The following FBXW12 variants were observed in gnomAD, a reference collection of about 807,000 sequenced individuals.
FBXW12 encodes the protein F-box and WD repeat domain containing 12.
A neutral mutation model predicts 55.3 loss-of-function variants in FBXW12; 43 were observed. The observed-to-expected ratio is 0.78, with a 90% CI of 0.61 to 1.00. The LOEUF (loss-of-function observed/expected upper bound fraction) is 1.00. Ranked by LOEUF, FBXW12 falls within the 50% of genes least tolerant of loss-of-function variation. The probability of loss-of-function intolerance (pLI) is 0.00; values close to 1 mark genes in which losing one functional copy is unlikely to be tolerated. For missense variants in FBXW12, 524 were observed against 560.5 expected, an observed-to-expected ratio of 0.93 and a Z score of 0.66; for synonymous variants, 184 against 203.8, an observed-to-expected ratio of 0.90 and a Z score of 0.83.
chr3:48,372,417 T>C, intron 1 of FBXW12, 97 bp downstream of exon 1: 2 of 1,411,732 alleles, frequency 1.4e-6, no homozygotes, highest in Non-Finnish European at 2.0e-6. Flanking sequence ...GTGAGTGCAC[T>C]CGGTGACATT....
At chr3:48,387,273 T>G (rs2036859558) in intron 10 of FBXW12, among the ~76,000 whole-genome samples, 1 of 152,112 alleles carries the variant, frequency 6.6e-6, no homozygotes, top group African/African-American at 2.4e-5. Context: ...TTTTTAATCT[T>G]CTTAATGCCT....
chr3:48,393,873 G>T (rs1191040906), intron 10 of FBXW12, among the ~76,000 whole-genome samples: 1 of 151,280 alleles, frequency 6.6e-6, no homozygotes, highest in Admixed American at 6.6e-5. Flanking sequence ...CCGCCTCCCG[G>T]GTTCAAGCAA....
intron 10 of FBXW12, among the ~76,000 whole-genome samples, chr3:48,393,778 C>A (rs1162746307): frequency 9.7e-6 from 1 of 103,022 alleles, no homozygotes; most frequent in Non-Finnish European, 1.9e-5. Context: ...TATTTTTTTT[C>A]TTTCTTTTTT....
rs1314729929 is a variant in FBXW12, at chr3:48,373,715, T to C, written c.286+10T>C. On this transcript the variant is annotated intron_variant, in intron 4 of 10. Coordinates refer to ENST00000296438, the MANE Select transcript of FBXW12 (RefSeq NM_207102.2). ...GTAACTAAGAACATCGGTATGGGTA[T>C]AGGTGCCCTAGAGGAACATGAGCAG... The C allele has an allele frequency of 1.2e-6, 2 of 1,608,132 alleles. No individual in the cohort carries two copies. Among genetic ancestry groups the C allele is most frequent in the South Asian group, 2.2e-5 (2 of 90,846 alleles).
At chr3:48,378,042 C>T (rs1223956108) in intron 5 of FBXW12, among the ~76,000 whole-genome samples, 1 of 152,150 alleles carries the variant, frequency 6.6e-6, no homozygotes, top group Non-Finnish European at 1.5e-5. Flanking sequence ...CTGAAGGCTG[C>T]ACTGTGAGTA....
chr3:48,379,368 C>A, intron 6 of FBXW12, 32 bp from the exon 7 acceptor site: 1 of 1,606,534 alleles, frequency 6.2e-7, no homozygotes, highest in South Asian at 1.1e-5. Context: ...ACATATCTTC[C>A]TATTGATATG....
At chr3:48,374,129 G>A (rs2036645172) in intron 4 of FBXW12, among the ~76,000 whole-genome samples, 1 of 152,036 alleles carries the variant, frequency 6.6e-6, no homozygotes, top group African/African-American at 2.4e-5. Context: ...GACCAGCCTG[G>A]CCAACAAAGT....
intron 5 of FBXW12, among the ~76,000 whole-genome samples, 188 bp from the exon 6 acceptor site, chr3:48,378,129 C>T (rs1482007439): frequency 6.6e-6 from 1 of 152,138 alleles, no homozygotes; most frequent in African/African-American, 2.4e-5. Flanking sequence ...TGTCTCGGAG[C>T]ATAATGTGTA....
Position 48,390,406 on chromosome 3 carries a change from C to CTTTTTTTTT in FBXW12, c.1296-4136_1296-4128dup, listed in dbSNP as rs71625870. Among the ~76,000 whole-genome samples the CTTTTTTTTT allele has an allele frequency of 3.5e-5, 2 of 57,928 alleles. 1 individual carries two copies. Among genetic ancestry groups the CTTTTTTTTT allele is most frequent in the African/African-American group, 1.5e-4 (2 of 13,166 alleles). The allele number at this position is 57,928 out of a possible 152,430, so 38.0% of individuals were successfully genotyped here. A position where few individuals can be genotyped will look rare whatever the true frequency, so the allele number is the denominator to read the frequency against. On this transcript the variant is annotated intron_variant, in intron 10 of 10. Transcript: ENST00000296438. ...TTTTTAATGTCACCTAGGATTTCCT[C>CTTTTTTTTT]TTTTTTTTTTTTTTTTTTTTTTTTT...
At chr3:48,378,577 C>A in intron 6 of FBXW12, 51 bp downstream of exon 6, 40 of 1,271,916 alleles carry the variant, frequency 3.1e-5, no homozygotes, top group Non-Finnish European at 4.1e-5. Flanking sequence ...TGCCTGTTGT[C>A]TTGTCAGGCA....
Position 48,375,439 on chromosome 3 carries a change from A to G in FBXW12, c.372A>G (p.Pro124=), listed in dbSNP as rs746807214. 1 of 1,611,318 alleles carries G rather than the reference A, an allele frequency of 6.2e-7. No individual in the cohort carries two copies. Among genetic ancestry groups the G allele is most frequent in the South Asian group, 1.1e-5 (1 of 90,314 alleles). Residue 124 remains proline (P), a synonymous_variant, in exon 5 of 11, where the codon CCA becomes CCG. Transcript: ENST00000296438. ...QEKSIICSVS[P]KQELCAWDVQ... is the part of the protein sequence containing the mutation. ...AATCAATCATTTGTAGTGTATCTCC[A>G]AAGCAAGAGCTTTGTGCCTGGGATG... is the stretch of plus-strand genomic sequence containing the variant.
rs1258209804 is a variant in FBXW12 at position 48,375,407 on chromosome 3, C to G, written c.340C>G (p.Gln114Glu). The G allele has an allele frequency of 6.2e-7, 1 of 1,612,520 alleles. No homozygotes were observed. Among genetic ancestry groups the G allele is most frequent in the Non-Finnish European group, 8.5e-7 (1 of 1,179,572 alleles). ...LSGNRLTVDE[Q>E]EKSIICSVSP... ...AGGAAATAGACTTACAGTGGATGAA[C>G]AGGAGAAATCAATCATTTGTAGTGT... The change falls in exon 5 of 11, where the codon CAG becomes GAG. Residue 114 changes from glutamine to glutamate, a missense_variant. Physicochemically the swap from Gln to Glu is conservative, Grantham distance 29 (BLOSUM62 2). Coordinates refer to ENST00000296438, the MANE Select transcript of FBXW12 (RefSeq NM_207102.2).
intron 7 of FBXW12, 98 bp downstream of exon 7, chr3:48,379,656 C>T (rs1167016865): frequency 1.1e-6 from 1 of 934,590 alleles, no homozygotes; most frequent in Non-Finnish European, 1.7e-6. Flanking sequence ...AGGCACACTG[C>T]TCCTTCCTCT....
In FBXW12 at chr3:48,373,568, G is replaced by A. The variant is rs867973575; in HGVS notation, c.149G>A (p.Trp50Ter). The A allele has an allele frequency of 1.9e-6, 3 of 1,614,064 alleles. No individual in the cohort carries two copies. Among genetic ancestry groups the A allele is most frequent in the Middle Eastern group, 3.3e-4 (2 of 6,062 alleles). ...TCCAGGTCACTATCTCTGCAGAGATGGGACTGCAGCAACTTCACCAATCAA... is the reference window on the plus strand; with the variant it reads ...TCCAGGTCACTATCTCTGCAGAGATAGGACTGCAGCAACTTCACCAATCAA... ...YLWRSLSLQR[W>*]DCSNFTNQHL... Residue 50 changes from tryptophan (W) to a stop codon, truncating the protein, a stop_gained, in exon 4 of 11, where the codon TGG (tryptophan) becomes TAG (stop). Transcript: ENST00000296438. LOFTEE classifies it high-confidence loss of function.
intron 6 of FBXW12, 79 bp from the exon 7 acceptor site, chr3:48,379,321 A>T: frequency 7.6e-7 from 1 of 1,309,418 alleles, no homozygotes; most frequent in Non-Finnish European, 1.1e-6. Flanking sequence ...CATATCTTGC[A>T]GCTCATAGTG....
chr3:48,392,152 G>A (rs2106658640), intron 10 of FBXW12, among the ~76,000 whole-genome samples: 1 of 152,182 alleles, frequency 6.6e-6, no homozygotes, highest in African/African-American at 2.4e-5. Flanking sequence ...TTGTCTCTGG[G>A]GATACAAACA....
At chr3:48,391,345 CACACACACACAT>C (rs2036925647) in intron 10 of FBXW12, among the ~76,000 whole-genome samples, 2 of 144,386 alleles carry the variant, frequency 1.4e-5, no homozygotes, top group Admixed American at 1.4e-4. Flanking sequence ...CACACACACA[CACACACACACAT>C]ATATATATAA....
chr3:48,391,317 TACACACACACACACACACAC>T (rs140067012), intron 10 of FBXW12, among the ~76,000 whole-genome samples: 2 of 133,076 alleles, frequency 1.5e-5, no homozygotes, highest in East Asian at 2.2e-4. Context: ...TATCTATCTA[TACACACACACACACACACAC>T]ACACACACAC....
In FBXW12 at chr3:48,373,690, G is replaced by A; in HGVS notation, c.271G>A (p.Val91Ile). The A allele has an allele frequency of 6.2e-7, 1 of 1,613,998 alleles. No homozygotes were observed. Reference sequence around the variant, plus strand: ...ACAGCCGCATAACTTTATCTACAAAGTAACTAAGAACATCGGTATGGGTAT... The same window carrying A: ...ACAGCCGCATAACTTTATCTACAAAATAACTAAGAACATCGGTATGGGTAT... The part of the protein sequence containing the change: ...LAQPHNFIYK[V>I]TKNIAFETEL... The change falls in exon 4 of 11, where the codon GTA becomes ATA. Residue 91 changes from valine (V) to isoleucine (I), a missense_variant. Transcript: ENST00000296438.
Sources: gnomAD v4.1 joint callset for allele counts (sites outside exome capture counted in the v4.1 genomes callset) on GRCh38, gnomAD v4.1.1 for gene constraint, MANE v1.5 for transcripts, NCBI Gene and HGNC (gene_info 2026-07-23, HGNC 2026-07-21) for gene names.